MTAP: variants seen among roughly 807,000 people sequenced by gnomAD.
MTAP encodes S-methyl-5'-thioadenosine phosphorylase.
In MTAP, 33 loss-of-function variants were observed where a neutral mutation model predicts 33.6. That is an observed-to-expected ratio of 0.98 (90% confidence interval 0.74 to 1.31). The LOEUF (loss-of-function observed/expected upper bound fraction) is 1.31, where lower values mean the gene tolerates loss of function less well. MTAP is among the 40% of genes most tolerant of loss of function. MTAP has a pLI of 0.00. For synonymous variants in MTAP, 148 were observed against 125.7 expected (o/e 1.18, Z -1.19); for missense variants, 367 against 360.0 (o/e 1.02, Z -0.16).
chr9:21,936,182 A>C (rs776114430), downstream of MTAP: 2 of 152,254 alleles, frequency 1.3e-5, no homozygotes, highest in African/African-American at 2.4e-5. Context: ...TTATGAATGC[A>C]TAAGTCAATG....
At chr9:21,937,505 T>C (rs1413911394) in exon 8 of MTAP, 1 of 152,208 alleles carries the variant, frequency 6.6e-6, no homozygotes, top group Admixed American at 6.5e-5. Context: ...AAAATGAAGA[T>C]TTTGTGTTTT....
chr9:21,904,579 A>G (rs1818445358), intron 1 of MTAP, among the ~76,000 whole-genome samples: 1 of 152,202 alleles, frequency 6.6e-6, no homozygotes, highest in Non-Finnish European at 1.5e-5. Flanking sequence ...GGCCTCAGTC[A>G]TTGTTGAACA....
At position 21,865,182 on chromosome 9, in the gene MTAP, G is replaced by C. The variant is rs1417586177; in HGVS notation, c.*3168G>C. The C allele has an allele frequency of 1.4e-6, 1 of 729,580 alleles. No homozygotes were observed. The highest frequency in any genetic ancestry group is 1.9e-5 in the African/African-American group (1 of 52,178). The allele number at this position is 729,580 out of a possible 1,614,324, so 45.2% of individuals were successfully genotyped here. A position where few individuals can be genotyped will look rare whatever the true frequency, so the allele number is the denominator to read the frequency against. On this transcript the variant is annotated 3_prime_UTR_variant, in exon 8 of 8. Coordinates refer to ENST00000644715, the MANE Select transcript of MTAP (RefSeq NM_002451.4). ...GGGAGGTAATTAAATCATGGGGGTG[G>C]TTACCCCCACACTGCTGTTCTCATG...
chr9:21,830,917 A>G (rs917826342), intron 4 of MTAP, among the ~76,000 whole-genome samples: 1 of 152,186 alleles, frequency 6.6e-6, no homozygotes, highest in Admixed American at 6.5e-5. Context: ...CTCGACTTCG[A>G]TGATGCATTA....
In MTAP at chr9:21,811,785, G is replaced by A. The variant is rs114764774; in HGVS notation, c.34-3648G>A. ...TACCAGTACAGGAAAGCTTTGCACCGAAGTATACCTGTGAACTGCTCTGAG... is the reference window on the plus strand; with the variant it reads ...TACCAGTACAGGAAAGCTTTGCACCAAAGTATACCTGTGAACTGCTCTGAG... On this transcript the variant is annotated intron_variant, in intron 1 of 7. Transcript: ENST00000644715. 1,114 of 526,766 alleles carry A rather than the reference G, an allele frequency of 2.1e-3. 8 individuals carry two copies. Among genetic ancestry groups the A allele is most frequent in the African/African-American group, 0.019 (1,002 of 51,956 alleles). 32.6% of individuals were successfully genotyped at this position (526,766 alleles called of 1,614,324 possible).
At position 21,814,621 on chromosome 9, in the gene MTAP, C is replaced by G. The variant is rs200107340; in HGVS notation, c.34-812C>G. Among the ~76,000 whole-genome samples, 5 of 152,214 alleles carry G rather than the reference C, an allele frequency of 3.3e-5. No homozygotes were observed. In the East Asian group the frequency reaches 9.7e-4, roughly 29 times the overall value. On this transcript the variant is annotated intron_variant, in intron 1 of 7. Transcript: ENST00000644715. ...TTAATCATCAAATTAGATCAACTCT[C>G]AGAGGATAGTGCTAGGTTTCTTTAA... is the stretch of plus-strand genomic sequence containing the variant.
chr9:21,816,641 T>G, intron 2 of MTAP, 73 bp from the exon 3 acceptor site: 3 of 1,326,222 alleles, frequency 2.3e-6, no homozygotes, highest in South Asian at 1.2e-5. Context: ...AGTCCTGTTG[T>G]GGTTGAACAA....
At chr9:21,879,949 T>C (rs996713609) in intron 1 of MTAP, among the ~76,000 whole-genome samples, 17 of 152,068 alleles carry the variant, frequency 1.1e-4, no homozygotes, top group African/African-American at 4.1e-4. Flanking sequence ...GCCCTTTCTC[T>C]CTGGCTTCCT....
At chr9:21,874,771 A>G (rs1003764538) in intron 1 of MTAP, among the ~76,000 whole-genome samples, 5 of 151,088 alleles carry the variant, frequency 3.3e-5, no homozygotes, top group African/African-American at 1.2e-4. Context: ...GGAGGTATAC[A>G]TGTGCCGTGG....
chr9:21,890,404 C>T (rs924141572), intron 1 of MTAP, among the ~76,000 whole-genome samples: 1 of 152,230 alleles, frequency 6.6e-6, no homozygotes, highest in African/African-American at 2.4e-5. Flanking sequence ...CCCTTCTCAC[C>T]TGCCATGGCT....
At chr9:21,882,009 C>T (rs942386172) in intron 1 of MTAP, among the ~76,000 whole-genome samples, 1 of 151,874 alleles carries the variant, frequency 6.6e-6, no homozygotes, top group African/African-American at 2.4e-5. Flanking sequence ...AATTTACATG[C>T]AAATGTAGTA....
In MTAP at chr9:21,907,731, A is replaced by G. The variant is rs137879637; in HGVS notation, c.148-23277A>G. 2.9e-3 allele frequency among the ~76,000 whole-genome samples: 443 copies of G among 152,200 alleles called. 4 individuals carry two copies. Among genetic ancestry groups the G allele is most frequent in the African/African-American group, 1.0e-2 (414 of 41,532 alleles). On this transcript the variant is annotated intron_variant, in intron 1 of 1. Coordinates refer to the MTAP transcript ENST00000577563. The stretch of plus-strand genomic sequence containing the variant: ...GTCATAGAAAATCTGAAAGACATAT[A>G]TAAGTCACAAGAAAAAATTTTAAAT...
intron 5 of MTAP, among the ~76,000 whole-genome samples, chr9:21,842,226 G>A (rs4399022): frequency 0.23 from 35,674 of 151,838 alleles, 6,236 homozygotes; most frequent in African/African-American, 0.49. Flanking sequence ...TCAAGACAAA[G>A]AAAAAGAATT....
intron 5 of MTAP, among the ~76,000 whole-genome samples, chr9:21,844,372 C>T (rs1477731888): frequency 1.3e-5 from 2 of 152,144 alleles, no homozygotes; most frequent in South Asian, 2.1e-4. Flanking sequence ...CTTCCTAATT[C>T]ATTCTGTGAA....
chr9:21,844,020 A>G (rs1825316404), intron 5 of MTAP, among the ~76,000 whole-genome samples: 1 of 152,206 alleles, frequency 6.6e-6, no homozygotes, highest in Admixed American at 6.5e-5. Flanking sequence ...AGATCCAAAT[A>G]AGCTCAATGA....
At position 21,865,867 on chromosome 9, in the gene MTAP, G is replaced by A; in HGVS notation, c.*3853G>A. 2.5e-6 allele frequency: 2 copies of A among 802,874 alleles called. No individual in the cohort carries two copies. The highest frequency in any genetic ancestry group is 3.0e-6 in the Non-Finnish European group (2 of 662,966). The allele number at this position is 802,874 out of a possible 1,614,324, so 49.7% of individuals were successfully genotyped here. On this transcript the variant is annotated 3_prime_UTR_variant, in exon 8 of 8. Coordinates refer to ENST00000644715, the MANE Select transcript of MTAP (RefSeq NM_002451.4). ...CTTTTTTATTGCCTAGTAGTATTCT[G>A]TCATATGCCTATCTTACAATTTGAT...
chr9:21,824,477 G>A (rs557326830), intron 4 of MTAP, among the ~76,000 whole-genome samples: 1 of 152,272 alleles, frequency 6.6e-6, no homozygotes, highest in African/African-American at 2.4e-5. Flanking sequence ...CGTCTCAGAG[G>A]GGTACCCAGC....
intron 4 of MTAP, among the ~76,000 whole-genome samples, chr9:21,819,867 T>C (rs1419750566): frequency 6.6e-6 from 1 of 152,230 alleles, no homozygotes; most frequent in Admixed American, 6.5e-5. Context: ...ATTGTGGTTT[T>C]GATTTGCATT....
chr9:21,804,329 A>C (rs1454693261), intron 1 of MTAP, among the ~76,000 whole-genome samples: 1 of 152,232 alleles, frequency 6.6e-6, no homozygotes, highest in Non-Finnish European at 1.5e-5. Context: ...CGCCATTAAA[A>C]ATGGAGAAAT....
Sources: gnomAD v4.1 joint callset for allele counts (sites outside exome capture counted in the v4.1 genomes callset) on GRCh38, gnomAD v4.1.1 for gene constraint, MANE v1.5 for transcripts, NCBI Gene and HGNC (gene_info 2026-07-23, HGNC 2026-07-21) for gene names.